The following NUP62 variants were observed in gnomAD, a reference collection of about 807,000 sequenced individuals.
The protein encoded by NUP62 is nucleoporin 62.
For missense variants in NUP62, 647 were observed against 689.4 expected, an observed-to-expected ratio of 0.94 and a Z score of 0.69; for synonymous variants, 305 against 303.4, an observed-to-expected ratio of 1.01 and a Z score of -0.05.
chr19:49,915,618 A>G (rs1024668621), intron 2 of NUP62, among the ~76,000 whole-genome samples: 2 of 152,260 alleles, frequency 1.3e-5, no homozygotes, highest in Non-Finnish European at 2.9e-5. Flanking sequence ...TTGAGGGACG[A>G]TGGAGAAAGA....
chr19:49,918,066 GCTTTC>G (rs1248551570), intron 2 of NUP62, among the ~76,000 whole-genome samples: 1 of 150,780 alleles, frequency 6.6e-6, no homozygotes, highest in African/African-American at 2.4e-5. Context: ...GAGAGGGTCT[GCTTTC>G]CTTTTTCTTT....
intron 2 of NUP62, among the ~76,000 whole-genome samples, chr19:49,914,649 C>G (rs11665866): frequency 2.7e-5 from 4 of 146,326 alleles, no homozygotes; most frequent in Non-Finnish European, 6.0e-5. Context: ...AACCAGGGTT[C>G]TTTGCTGTCA....
intron 2 of NUP62, among the ~76,000 whole-genome samples, chr19:49,910,188 A>G (rs1252511900): frequency 6.6e-6 from 1 of 152,106 alleles, no homozygotes; most frequent in Non-Finnish European, 1.5e-5. Flanking sequence ...TGAGGAGATC[A>G]GATTTGAGGC....
chr19:49,912,867 A>G (rs946591891), intron 2 of NUP62: 3 of 152,270 alleles, frequency 2.0e-5, no homozygotes, highest in African/African-American at 7.2e-5. Context: ...CCCCATCTAA[A>G]AAAGAAAGAA....
chr19:49,907,965 A>G lies in NUP62; in HGVS notation c.*274T>C. 2 of 585,054 alleles carry G rather than the reference A, an allele frequency of 3.4e-6. No individual in the cohort carries two copies. Among genetic ancestry groups the G allele is most frequent in the East Asian group, 6.6e-5 (2 of 30,478 alleles). The allele number at this position is 585,054 out of a possible 1,614,324, so 36.2% of individuals were successfully genotyped here. A position where few individuals can be genotyped will look rare whatever the true frequency, so the allele number is the denominator to read the frequency against. On this transcript the variant is annotated 3_prime_UTR_variant, in exon 3 of 3. Transcript: ENST00000352066. ...TTCTCCATCACCAGGCTGAGCCAGG[A>G]TGAGGTGGGTGGTCGCAGTAGGTGA...
At chr19:49,927,230 A>C (rs116748042) in intron 2 of NUP62, among the ~76,000 whole-genome samples, 3,171 of 152,218 alleles carry the variant, frequency 0.021, 89 homozygotes, top group South Asian at 0.1. Context: ...GGAAATGGCC[A>C]GGGTCACACA....
chr19:49,925,309 C>T (rs766432819), intron 2 of NUP62, among the ~76,000 whole-genome samples: 4 of 151,794 alleles, frequency 2.6e-5, no homozygotes, highest in Non-Finnish European at 5.9e-5. Context: ...AAACCCAGGC[C>T]GGGCACAGTG....
chr19:49,909,158 G>T lies in NUP62; in HGVS notation c.650C>A (p.Thr217Asn), dbSNP rs752431497. ...APTPTATITSTGPSLFASIAT... is the reference protein window; with the variant it reads ...APTPTATITSNGPSLFASIAT... ...TATTGACGCAAAGAGGCTGGGCCCA[G>T]TGCTGGTGATGGTGGCTGTGGGTGT... The change falls in exon 3 of 3, where the codon ACT (threonine) becomes AAT (asparagine). Residue 217 changes from threonine to asparagine, a missense_variant. Physicochemically the swap from Thr to Asn is moderately conservative, Grantham distance 65. Transcript: ENST00000352066. 20 of 1,613,486 alleles carry T rather than the reference G, an allele frequency of 1.2e-5. No individual in the cohort carries two copies. The highest frequency in any genetic ancestry group is 1.7e-5 in the Non-Finnish European group (20 of 1,179,854).
At chr19:49,924,881 C>T (rs542692187) in intron 2 of NUP62, among the ~76,000 whole-genome samples, 6 of 152,180 alleles carry the variant, frequency 3.9e-5, no homozygotes, top group Non-Finnish European at 5.9e-5. Flanking sequence ...GGAGGGGAAG[C>T]AGAGTCCCTG....
chr19:49,915,267 G>A (rs996910015), intron 2 of NUP62, among the ~76,000 whole-genome samples: 1 of 152,288 alleles, frequency 6.6e-6, no homozygotes, highest in East Asian at 1.9e-4. Context: ...TGAAGATAAA[G>A]AGGTTACCCT....
At position 49,917,006 on chromosome 19, in the gene NUP62, C is replaced by T. The variant is rs114832427; in HGVS notation, c.-77-7122G>A. Among the ~76,000 whole-genome samples the T allele has an allele frequency of 8.5e-3, 1,301 of 152,384 alleles. 19 individuals carry two copies. The highest frequency in any genetic ancestry group is 0.03 in the African/African-American group (1,230 of 41,592). On this transcript the variant is annotated intron_variant, in intron 2 of 2. Transcript: ENST00000352066. ...CCACCTGGTGGCACTGCTGACAACG[C>T]AGAGCCCAGATGCAAGACGGACAGG... is the stretch of plus-strand genomic sequence containing the variant.
Position 49,909,687 on chromosome 19 carries a change from C to G in NUP62, c.121G>C (p.Gly41Arg). The change falls in exon 3 of 3, where the codon GGG (glycine) becomes CGG (arginine). Residue 41 changes from glycine to arginine, a missense_variant. Gly to Arg is a moderately radical substitution (Grantham distance 125). Coordinates refer to ENST00000352066, the MANE Select transcript of NUP62 (RefSeq NM_016553.5). Reference protein sequence around the residue: ...GFSFSTSGTGGFNFGAPFQPA... With the variant: ...GFSFSTSGTGRFNFGAPFQPA... ...TGGAAGGGAGCCCCAAAATTAAACC[C>G]TCCAGTGCCAGAGGTGGAGAAAGAA... The G allele has an allele frequency of 6.2e-7, 1 of 1,614,182 alleles. No homozygotes were observed. The highest frequency in any genetic ancestry group is 8.5e-7 in the Non-Finnish European group (1 of 1,180,030).
chr19:49,909,318 T>C lies in NUP62; in HGVS notation c.490A>G (p.Ser164Gly). The C allele has an allele frequency of 6.2e-7, 1 of 1,613,892 alleles. No individual in the cohort carries two copies. The highest frequency in any genetic ancestry group is 8.5e-7 in the Non-Finnish European group (1 of 1,179,998). The change falls in exon 3 of 3, where the codon AGC (serine) becomes GGC (glycine). Residue 164 changes from serine (S) to glycine (G), a missense_variant. By Grantham distance (56) the Ser-to-Gly change is moderately conservative. Transcript: ENST00000352066. ...TSGGFSFTGG[S>G]TAQPSGFNIG... ...TTGAAACCGGAGGGTTGGGCCGTGC[T>C]TCCACCAGTGAATGAGAAGCCTCCA...
In NUP62 at chr19:49,908,995, T is replaced by C. The variant is rs760420618; in HGVS notation, c.813A>G (p.Thr271=). The C allele has an allele frequency of 3.1e-6, 5 of 1,610,294 alleles. No homozygotes were observed. In the South Asian group the frequency reaches 3.3e-5, roughly 11 times the overall value. ...TGGCGGTGGCGGTGGCAGCGGTGGA[T>C]GTTGTTGTGGAGGTGCCGGAAGCTG... is the stretch of plus-strand genomic sequence containing the variant. ...PGAASGTSTT[T]STAATATATT... The change falls in exon 3 of 3, where the codon ACA becomes ACG. Residue 271 remains threonine (T), a synonymous_variant. Coordinates refer to ENST00000352066, the MANE Select transcript of NUP62 (RefSeq NM_016553.5).
chr19:49,923,695 T>A (rs546970922), intron 2 of NUP62, among the ~76,000 whole-genome samples: 1 of 152,330 alleles, frequency 6.6e-6, no homozygotes, highest in East Asian at 1.9e-4. Context: ...ATTTACACAT[T>A]TAATCCTCAA....
At chr19:49,916,556 T>C (rs2075628715) in intron 2 of NUP62, among the ~76,000 whole-genome samples, 1 of 151,808 alleles carries the variant, frequency 6.6e-6, no homozygotes, top group Non-Finnish European at 1.5e-5. Context: ...GGCGGATCAC[T>C]AGGTCAGGAG....
rs1031445287 is a variant in NUP62, at chr19:49,907,987, G to A, written c.*252C>T. 6 of 701,614 alleles carry A rather than the reference G, an allele frequency of 8.6e-6. No individual in the cohort carries two copies. Among genetic ancestry groups the A allele is most frequent in the Non-Finnish European group, 1.4e-5 (6 of 440,220 alleles). 43.5% of individuals were successfully genotyped at this position (701,614 alleles called of 1,614,324 possible). On this transcript the variant is annotated 3_prime_UTR_variant, in exon 3 of 3. Coordinates refer to ENST00000352066, the MANE Select transcript of NUP62 (RefSeq NM_016553.5). ...AGGATGAGGTGGGTGGTCGCAGTAG[G>A]TGAAAAGGGGCCAAAGATACTCAAA...
chr19:49,923,216 G>A (rs567985570), intron 2 of NUP62, among the ~76,000 whole-genome samples: 69 of 152,274 alleles, frequency 4.5e-4, no homozygotes, highest in Non-Finnish European at 9.1e-4. Flanking sequence ...CTCCCCAACT[G>A]AGCTGGCCTT....
In NUP62 at chr19:49,908,297, T is replaced by C; in HGVS notation, c.1511A>G (p.Lys504Arg). 6.2e-7 allele frequency: 1 copy of C among 1,614,052 alleles called. No individual in the cohort carries two copies. Among genetic ancestry groups the C allele is most frequent in the Non-Finnish European group, 8.5e-7 (1 of 1,180,024 alleles). Residue 504 changes from lysine (K) to arginine (R), a missense_variant, in exon 3 of 3, where the codon AAG (lysine) becomes AGG (arginine). Lys to Arg is a conservative substitution (Grantham distance 26). Coordinates refer to ENST00000352066, the MANE Select transcript of NUP62 (RefSeq NM_016553.5). Reference sequence around the variant, plus strand: ...CTCCTTGCGCCGGCCCTCGCACACCTTGGTCACCTCCTCCACCTTCCTCTG... The same window carrying C: ...CTCCTTGCGCCGGCCCTCGCACACCCTGGTCACCTCCTCCACCTTCCTCTG... ...LLQRKVEEVT[K>R]VCEGRRKEQE...
Sources: allele counts gnomAD v4.1 joint callset (sites outside exome capture counted in the v4.1 genomes callset), GRCh38; gene constraint gnomAD v4.1.1; transcripts MANE v1.5; gene names NCBI Gene and HGNC (gene_info 2026-07-23, HGNC 2026-07-21).